AFG3L2: variants seen among roughly 807,000 people sequenced by gnomAD.
AFG3L2 encodes the protein AFG3 like matrix AAA peptidase subunit 2.
In AFG3L2, 54 loss-of-function variants were observed where a neutral mutation model predicts 94.5. That is an observed-to-expected ratio of 0.57 (90% CI 0.46 to 0.72). The LOEUF (loss-of-function observed/expected upper bound fraction) is 0.72. AFG3L2 is among the 30% of genes least tolerant of loss of function. The pLI, the probability that AFG3L2 is intolerant of heterozygous loss-of-function variation, is 0.00. For missense variants in AFG3L2, 754 were observed against 994.9 expected (o/e 0.76, Z 3.26); for synonymous variants, 377 against 365.5 (o/e 1.03, Z -0.36).
At chr18:12,351,017 C>T (rs1483604671) in intron 12 of AFG3L2, 68 bp downstream of exon 12, 5 of 1,594,138 alleles carry the variant, frequency 3.1e-6, no homozygotes, top group South Asian at 1.1e-5. Flanking sequence ...AGAAAGTAAA[C>T]CGGTACCTGG....
At chr18:12,343,291 A>C (rs11873889) in intron 14 of AFG3L2, 14 of 152,144 alleles carry the variant, frequency 9.2e-5, no homozygotes, top group African/African-American at 3.4e-4. Context: ...ACTGACCTTG[A>C]ATTCTTCAAC....
rs951581694 is a variant in AFG3L2, at chr18:12,363,958, AAAG to A, written c.553-105_553-103del. The stretch of plus-strand genomic sequence containing the variant: ...CATATGATGTTTCAGCCACACAAGG[AAAG>A]AATAAAGAATCAGATAAAGATGCCC... On this transcript the variant is annotated intron_variant, in intron 5 of 16. Transcript: ENST00000269143. 47 of 897,550 alleles carry A rather than the reference AAAG, an allele frequency of 5.2e-5. No individual in the cohort carries two copies. The African/African-American group carries it at 7.1e-4, about 14-fold the overall frequency. 55.6% of individuals were successfully genotyped at this position (897,550 alleles called of 1,614,324 possible). A position where few individuals can be genotyped will look rare whatever the true frequency, so the allele number is the denominator to read the frequency against.
intron 12 of AFG3L2, among the ~76,000 whole-genome samples, chr18:12,350,385 T>C (rs1908276753): frequency 6.6e-6 from 1 of 152,172 alleles, no homozygotes; most frequent in Non-Finnish European, 1.5e-5. Flanking sequence ...GTACACTTTA[T>C]ACGGGTGATT....
In AFG3L2 at chr18:12,361,003, C is replaced by A. The variant is rs531251925; in HGVS notation, c.628-952G>T. On this transcript the variant is annotated intron_variant, in intron 6 of 16. Transcript: ENST00000269143. ...AGCTCCATTTTATAGTACAAAAAAACTTTGTTTCTCCTCTAACCTGCAATC... is the reference window on the plus strand; with the variant it reads ...AGCTCCATTTTATAGTACAAAAAAAATTTGTTTCTCCTCTAACCTGCAATC... Among the ~76,000 whole-genome samples the A allele has an allele frequency of 2.6e-5, 4 of 152,338 alleles. No individual in the cohort carries two copies. In the South Asian group the frequency reaches 8.3e-4, roughly 32 times the overall value.
At chr18:12,363,499 T>A (rs1215404557) in intron 6 of AFG3L2, among the ~76,000 whole-genome samples, 2 of 152,240 alleles carry the variant, frequency 1.3e-5, no homozygotes, top group African/African-American at 4.8e-5. Flanking sequence ...AGTCACAGAC[T>A]ATTCTGGAAT....
chr18:12,341,973 T>C (rs1907966810), intron 14 of AFG3L2: 1 of 152,200 alleles, frequency 6.6e-6, no homozygotes, highest in Admixed American at 6.5e-5. Context: ...CTCCAGTGAT[T>C]CTCCTGCCTC....
At chr18:12,371,839 T>G (rs1281762218) in intron 1 of AFG3L2, 148 bp from the exon 2 acceptor site, 3 of 680,430 alleles carry the variant, frequency 4.4e-6, no homozygotes, top group Non-Finnish European at 7.8e-6. Context: ...TAGTGAGGAC[T>G]AGGATTACCT....
intron 5 of AFG3L2, among the ~76,000 whole-genome samples, chr18:12,365,754 T>C (rs1568144979): frequency 6.6e-6 from 1 of 152,222 alleles, no homozygotes; most frequent in East Asian, 1.9e-4. Flanking sequence ...TAAGTATTCA[T>C]GTCGTCTTAC....
At chr18:12,374,407 T>G (rs1909079762) in intron 1 of AFG3L2, among the ~76,000 whole-genome samples, 1 of 152,200 alleles carries the variant, frequency 6.6e-6, no homozygotes, top group South Asian at 2.1e-4. Flanking sequence ...AATCTCTTCC[T>G]CACCGTGAAA....
intron 15 of AFG3L2, 91 bp downstream of exon 15, chr18:12,340,107 CACA>C: frequency 8.4e-7 from 1 of 1,190,080 alleles, no homozygotes; most frequent in Non-Finnish European, 1.2e-6. Flanking sequence ...AACAGTGAAG[CACA>C]ACTATATTGT....
At chr18:12,370,480 CT>C (rs1237845064) in intron 3 of AFG3L2, among the ~76,000 whole-genome samples, 6 of 57,550 alleles carry the variant, frequency 1.0e-4, no homozygotes, top group Admixed American at 2.3e-4. Flanking sequence ...TTTTTTTTTT[CT>C]TTTTTTTTTG....
chr18:12,335,682 C>T (rs546382626), intron 16 of AFG3L2, among the ~76,000 whole-genome samples: 15 of 152,274 alleles, frequency 9.9e-5, no homozygotes, highest in South Asian at 4.1e-4. Flanking sequence ...CCGGGCTCCA[C>T]GCCGCACACT....
At position 12,359,960 on chromosome 18, in the gene AFG3L2, C is replaced by T. The variant is rs748957187; in HGVS notation, c.719G>A (p.Arg240Gln). The T allele has an allele frequency of 7.4e-6, 12 of 1,613,858 alleles. No individual in the cohort carries two copies. The highest frequency in any genetic ancestry group is 4.5e-5 in the East Asian group (2 of 44,894). The change falls in exon 7 of 17, where the codon CGG becomes CAG. Residue 240 changes from arginine to glutamine, a missense_variant. Arg to Gln is a conservative substitution (Grantham distance 43). Around this residue, in one of 4 missense-constraint regions of AFG3L2, gnomAD observed 130 missense variants for 175.1 expected, o/e 0.74. Transcript: ENST00000269143. ...TTCAGCAATGTAGACAACAGGCACC[C>T]GATTTTCTCCTTCTATGCCCAATTC... ...QQELGIEGENRVPVVYIAESD... is the reference protein window; with the variant it reads ...QQELGIEGENQVPVVYIAESD...
chr18:12,350,223 C>A (rs1031320560), intron 12 of AFG3L2, among the ~76,000 whole-genome samples: 8 of 151,832 alleles, frequency 5.3e-5, no homozygotes, highest in Admixed American at 5.3e-4. Context: ...GTTAGCCAGG[C>A]TGGTCTCGAA....
intron 1 of AFG3L2, among the ~76,000 whole-genome samples, chr18:12,372,598 G>A (rs953329459): frequency 6.6e-6 from 1 of 152,194 alleles, no homozygotes; most frequent in Non-Finnish European, 1.5e-5. Flanking sequence ...AATGTTCACA[G>A]AAGCCTTATT....
At position 12,371,641 on chromosome 18, in the gene AFG3L2, CAA is replaced by C; in HGVS notation, c.163_164del (p.Leu55AspfsTer19). ...TTTGATAAGCAGCAATTATATCTGT[CAA>C]AAGAGAATTTCTGCTGGCCCTTGCT... ...TQARASRNSL[L>X]TDIIAAYQRF... On this transcript the variant is annotated frameshift_variant, in exon 2 of 17. Transcript: ENST00000269143. LOFTEE classifies it high-confidence loss of function. 1 of 1,614,016 alleles carries C rather than the reference CAA, an allele frequency of 6.2e-7. No individual in the cohort carries two copies.
At chr18:12,359,557 A>G (rs2143194373) in intron 7 of AFG3L2, among the ~76,000 whole-genome samples, 1 of 152,184 alleles carries the variant, frequency 6.6e-6, no homozygotes, top group East Asian at 1.9e-4. Context: ...TGGCCAACAT[A>G]GTGAATCCCT....
intron 15 of AFG3L2, among the ~76,000 whole-genome samples, chr18:12,339,075 AAT>A (rs1426989626): frequency 6.6e-6 from 1 of 151,670 alleles, no homozygotes; most frequent in African/African-American, 2.4e-5. Flanking sequence ...AACACAGTGA[AAT>A]GCCTGCCTCT....
intron 6 of AFG3L2, among the ~76,000 whole-genome samples, chr18:12,362,579 C>G (rs980671405): frequency 1.3e-5 from 2 of 152,120 alleles, no homozygotes; most frequent in African/African-American, 4.8e-5. Context: ...GTATGAATTT[C>G]AACACATAAA....
Sources: gnomAD v4.1 joint callset for allele counts (sites outside exome capture counted in the v4.1 genomes callset) on GRCh38, gnomAD v4.1.1 for gene constraint, gnomAD v4.1.1 regional missense constraint, MANE v1.5 for transcripts, NCBI Gene and HGNC (gene_info 2026-07-23, HGNC 2026-07-21) for gene names.